Variants in STARD13 observed in about 807,000 individuals in gnomAD.
STARD13 encodes stAR-related lipid transfer protein 13.
A neutral mutation model predicts 106.4 loss-of-function variants in STARD13; 62 were observed. The observed-to-expected ratio is 0.58, with a 90% CI of 0.48 to 0.72. The LOEUF is 0.72. Among genes scored for constraint, STARD13 ranks in the 30% least tolerant of loss-of-function variants. The pLI, the probability that STARD13 is intolerant of heterozygous loss-of-function variation, is 0.00. For missense variants in STARD13, 1,387 were observed against 1,424.0 expected, an observed-to-expected ratio of 0.97 and a Z score of 0.42; for synonymous variants, 565 against 553.0, an observed-to-expected ratio of 1.02 and a Z score of -0.31.
chr13:33,528,207 G>T, the STARD13 span, among the ~76,000 whole-genome samples: 1 of 116,882 alleles, frequency 8.6e-6, no homozygotes, highest in Non-Finnish European at 1.6e-5. Flanking sequence ...ACAATATACA[G>T]ATACATGTGT....
the STARD13 span, among the ~76,000 whole-genome samples, chr13:33,540,308 G>T: frequency 1.3e-5 from 2 of 152,162 alleles, no homozygotes; most frequent in Non-Finnish European, 2.9e-5. Context: ...TCCACTTAAA[G>T]GAAGCACATT....
chr13:33,519,264 CTTTCTTTCTTTTCTTTCTCTTTCTTTCTT>C, the STARD13 span, among the ~76,000 whole-genome samples: 1 of 143,458 alleles, frequency 7.0e-6, no homozygotes, highest in African/African-American at 2.6e-5. Context: ...TTCTTTCTTT[CTTTCTTTCTTTTCTTTCTCTTTCTTTCTT>C]TCTCTCTCTC....
the STARD13 span, among the ~76,000 whole-genome samples, chr13:33,402,984 C>T: frequency 6.6e-6 from 1 of 152,258 alleles, no homozygotes; most frequent in Admixed American, 6.5e-5. Flanking sequence ...ATACAGAAAG[C>T]TGTCACACTG....
At position 33,112,894 on chromosome 13, in the gene STARD13, A is replaced by G. The variant is rs753544617; in HGVS notation, c.2319T>C (p.Ala773=). Residue 773 remains alanine, a synonymous_variant, in exon 9 of 14, where the codon GCT becomes GCC. Coordinates refer to ENST00000336934, the MANE Select transcript of STARD13 (RefSeq NM_178006.4). ...SKEQRLQAVQ[A]AILLLADENR... ...TCTCATCGGCCAGTAGCAGGATGGC[A>G]GCCTGCACGGCCTGCAGCCGCTGCT... 1.2e-6 allele frequency: 2 copies of G among 1,613,114 alleles called. No individual in the cohort carries two copies. Among genetic ancestry groups the G allele is most frequent in the African/African-American group, 2.7e-5 (2 of 74,912 alleles).
chr13:33,321,490 A>AG (rs1459018356), intron 1 of STARD13, among the ~76,000 whole-genome samples: 1 of 151,668 alleles, frequency 6.6e-6, no homozygotes, highest in Non-Finnish European at 1.5e-5. Flanking sequence ...AGAGCAACAG[A>AG]GAGACTCCGT....
intron 12 of STARD13, 83 bp from the exon 13 acceptor site, chr13:33,107,017 ATTTTCCTGCC>A: frequency 7.2e-7 from 1 of 1,381,678 alleles, no homozygotes; most frequent in Non-Finnish European, 9.8e-7. Context: ...TTGTGTTTAT[ATTTTCCTGCC>A]AACAACCTGG....
the STARD13 span, among the ~76,000 whole-genome samples, chr13:33,541,992 T>TA: frequency 6.6e-6 from 1 of 152,202 alleles, no homozygotes; most frequent in African/African-American, 2.4e-5. Flanking sequence ...TAAAATTTGA[T>TA]AAAAGACCAA....
the STARD13 span, among the ~76,000 whole-genome samples, chr13:33,506,423 A>G: frequency 6.6e-6 from 1 of 152,180 alleles, no homozygotes; most frequent in African/African-American, 2.4e-5. Flanking sequence ...TGTCAACAAC[A>G]TAACTCCAGC....
At chr13:33,458,922 G>A in the STARD13 span, among the ~76,000 whole-genome samples, 5 of 148,656 alleles carry the variant, frequency 3.4e-5, no homozygotes, top group African/African-American at 1.2e-4. Context: ...CCAGGTTCAA[G>A]TAATTCTCCT....
the STARD13 span, among the ~76,000 whole-genome samples, chr13:33,452,465 C>T: frequency 6.6e-6 from 1 of 152,172 alleles, no homozygotes; most frequent in Non-Finnish European, 1.5e-5. Flanking sequence ...CAACTAGTCC[C>T]TAGTTATTTC....
At chr13:33,340,916 A>C (rs2077952810) in intron 1 of STARD13, among the ~76,000 whole-genome samples, 2 of 152,200 alleles carry the variant, frequency 1.3e-5, no homozygotes, top group African/African-American at 4.8e-5. Context: ...CATGGTACTG[A>C]ATTAATATCC....
At chr13:33,636,606 G>C in the STARD13 span, among the ~76,000 whole-genome samples, 3 of 152,172 alleles carry the variant, frequency 2.0e-5, no homozygotes, top group South Asian at 2.1e-4. Flanking sequence ...TGGAGGCTAA[G>C]GTGATAATTT....
chr13:33,113,116 A>G, intron 8 of STARD13, 185 bp from the exon 9 acceptor site: 1 of 555,640 alleles, frequency 1.8e-6, no homozygotes, highest in Non-Finnish European at 3.2e-6. Flanking sequence ...AGCTCATGGG[A>G]GGCAGAGCTG....
At chr13:33,601,053 T>C in the STARD13 span, among the ~76,000 whole-genome samples, 1 of 152,190 alleles carries the variant, frequency 6.6e-6, no homozygotes, top group Admixed American at 6.5e-5. Context: ...CTACTATTCT[T>C]GTCTTTTGGT....
At chr13:33,423,072 G>C in the STARD13 span, among the ~76,000 whole-genome samples, 1 of 152,092 alleles carries the variant, frequency 6.6e-6, no homozygotes, top group African/African-American at 2.4e-5. Context: ...AAGCAATGGC[G>C]ACAAAAGCCA....
chr13:33,659,404 T>C, the STARD13 span, among the ~76,000 whole-genome samples: 9 of 152,174 alleles, frequency 5.9e-5, no homozygotes, highest in East Asian at 3.9e-4. Context: ...TTAGTAGAGA[T>C]GGGGTTTCAT....
chr13:33,197,816 G>C (rs1454561767), intron 1 of STARD13, among the ~76,000 whole-genome samples: 12 of 152,136 alleles, frequency 7.9e-5, no homozygotes, highest in Admixed American at 7.9e-4. Context: ...CCTAATCCCT[G>C]GCTGCTAATT....
the STARD13 span, among the ~76,000 whole-genome samples, chr13:33,639,225 G>A: frequency 6.6e-6 from 1 of 152,156 alleles, no homozygotes; most frequent in Admixed American, 6.5e-5. Context: ...GCTTAAGTTC[G>A]AGTGGTCTGA....
intron 1 of STARD13, among the ~76,000 whole-genome samples, chr13:33,241,688 G>A (rs868161139): frequency 1.3e-5 from 2 of 152,008 alleles, no homozygotes; most frequent in Admixed American, 6.6e-5. Flanking sequence ...TTGCAGGCGC[G>A]CGCCGCCACG....
Sources: gnomAD v4.1 joint callset for allele counts (sites outside exome capture counted in the v4.1 genomes callset) on GRCh38, gnomAD v4.1.1 for gene constraint, MANE v1.5 for transcripts, NCBI Gene and HGNC (gene_info 2026-07-23, HGNC 2026-07-21) for gene names.